The following ZXDC variants were observed in gnomAD, a reference collection of about 807,000 sequenced individuals.
ZXDC encodes the protein zinc finger protein ZXDC.
A neutral mutation model predicts 63.6 loss-of-function variants in ZXDC; 58 were observed. The ratio of observed to expected loss-of-function variants is 0.91; its 90% confidence interval spans 0.74 to 1.13. The LOEUF (loss-of-function observed/expected upper bound fraction) is 1.13, where lower values mean the gene tolerates loss of function less well. ZXDC is among the 50% of genes most tolerant of loss of function. The pLI is 0.00. For synonymous variants in ZXDC, 561 were observed against 496.1 expected (o/e 1.13, Z -1.74); for missense variants, 1,133 against 1,148.9 (o/e 0.99, Z 0.20).
chr3:126,456,681 CA>C (rs1934318575), intron 7 of ZXDC, among the ~76,000 whole-genome samples: 1 of 152,326 alleles, frequency 6.6e-6, no homozygotes, highest in African/African-American at 2.4e-5. Flanking sequence ...CAGTGAGCTC[CA>C]TGAGTCCTTC....
intron 7 of ZXDC, chr3:126,442,205 A>G (rs1933710733): frequency 1.1e-5 from 3 of 284,728 alleles, no homozygotes; most frequent in African/African-American, 2.2e-5. Context: ...CGGTACGGTA[A>G]TCAGACACAA....
chr3:126,442,109 G>T, intron 7 of ZXDC, 163 bp from the exon 8 acceptor site: 1 of 764,386 alleles, frequency 1.3e-6, no homozygotes, highest in Non-Finnish European at 1.8e-6. Context: ...GAGTTAAGAG[G>T]TTGAAACAAA....
At chr3:126,472,410 G>T in intron 1 of ZXDC, 105 bp from the exon 2 acceptor site, 1 of 1,378,094 alleles carries the variant, frequency 7.3e-7, no homozygotes, top group Non-Finnish European at 9.9e-7. Flanking sequence ...AAGCAGACAA[G>T]GGAAAACATG....
chr3:126,444,268 C>CA (rs1933789902), intron 7 of ZXDC, among the ~76,000 whole-genome samples: 1 of 152,210 alleles, frequency 6.6e-6, no homozygotes, highest in Non-Finnish European at 1.5e-5. Flanking sequence ...CGCAGTGGCT[C>CA]ACGCCTGTAA....
rs752014424 is a variant in ZXDC, at chr3:126,472,014, G to T, written c.1098C>A (p.Gly366=). 1.2e-6 allele frequency: 2 copies of T among 1,613,784 alleles called. No individual in the cohort carries two copies. Among genetic ancestry groups the T allele is most frequent in the Non-Finnish European group, 8.5e-7 (1 of 1,179,880 alleles). The change falls in exon 3 of 10, where the codon GGC becomes GGA. Residue 366 remains glycine, a synonymous_variant. Transcript: ENST00000389709. ...RPFICDSDSC[G]WTFTSMSKLL... ...GTTTGGACATGCTGGTGAAGGTCCA[G>T]CCACAGCTGTCAGAGTCACAAATAA...
chr3:126,467,852 GT>G (rs1934833698), intron 4 of ZXDC, among the ~76,000 whole-genome samples: 1 of 152,168 alleles, frequency 6.6e-6, no homozygotes, highest in African/African-American at 2.4e-5. Flanking sequence ...CACATCTTCT[GT>G]CAAATGCCTT....
In ZXDC at chr3:126,475,756, C is replaced by G. The variant is rs1935201008; in HGVS notation, c.110G>C (p.Arg37Pro). ...APAPLGASPA[R>P]RRLLLVRGPE... is the part of the protein sequence containing the mutation. ...GCCCCGCACCAGTAGCAGGCGGCGG[C>G]GCGCGGGGCTCGCGCCGAGCGGCGC... The change falls in exon 1 of 10, where the codon CGC (arginine) becomes CCC (proline). Residue 37 changes from arginine to proline, a missense_variant. Coordinates refer to ENST00000389709, the MANE Select transcript of ZXDC (RefSeq NM_025112.5). 3.5e-6 allele frequency: 4 copies of G among 1,157,726 alleles called. No individual in the cohort carries two copies. Among genetic ancestry groups the G allele is most frequent in the Non-Finnish European group, 4.2e-6 (4 of 942,380 alleles). The allele number at this position is 1,157,726 out of a possible 1,614,324, so 71.7% of individuals were successfully genotyped here. A position where few individuals can be genotyped will look rare whatever the true frequency, so the allele number is the denominator to read the frequency against.
At chr3:126,441,734 C>T (rs1419706213) in intron 8 of ZXDC, 31 bp downstream of exon 8, 10 of 1,550,368 alleles carry the variant, frequency 6.5e-6, no homozygotes, top group Non-Finnish European at 8.7e-6. Context: ...ACCCCGCCTA[C>T]AGCTGGCCTG....
intron 8 of ZXDC, chr3:126,441,236 G>A (rs1933662882): frequency 1.0e-6 from 1 of 985,950 alleles, no homozygotes; most frequent in East Asian, 1.1e-4. Flanking sequence ...GAGGGGCCTG[G>A]GCCTGCCCTG....
At position 126,447,148 on chromosome 3, in the gene ZXDC, A is replaced by G. The variant is rs527701815; in HGVS notation, c.2213-5202T>C. Among the ~76,000 whole-genome samples the G allele has an allele frequency of 1.8e-4, 28 of 152,310 alleles. No individual in the cohort carries two copies. In the East Asian group the frequency reaches 3.9e-3, roughly 21 times the overall value. On this transcript the variant is annotated intron_variant, in intron 7 of 9. Coordinates refer to ENST00000389709, the MANE Select transcript of ZXDC (RefSeq NM_025112.5). ...CCTTCATGGGTATTCTCACCAAGCT[A>G]CCTTCCCAGATGAACTTAAAGTAGA...
chr3:126,468,537 C>T (rs1934863129), intron 4 of ZXDC, among the ~76,000 whole-genome samples: 1 of 152,144 alleles, frequency 6.6e-6, no homozygotes, highest in South Asian at 2.1e-4. Flanking sequence ...CCCAGTTTCT[C>T]TCCCAGCACA....
chr3:126,463,062 A>AATT (rs1005278069), intron 5 of ZXDC, among the ~76,000 whole-genome samples: 18 of 99,262 alleles, frequency 1.8e-4, no homozygotes, highest in African/African-American at 5.3e-4. Context: ...TGCAGCATGT[A>AATT]ATTATTATTA....
Position 126,459,728 on chromosome 3 carries a change from C to T in ZXDC, c.2137G>A (p.Gly713Ser). ...GCTCGGTAATCAGTTCTTGCTGAGCCCCCACTTTCCTGAGACCAAAGAAAA... is the reference window on the plus strand; with the variant it reads ...GCTCGGTAATCAGTTCTTGCTGAGCTCCCACTTTCCTGAGACCAAAGAAAA... ...GTGNFYLESGGSARTDYRAIQ... is the reference protein window; with the variant it reads ...GTGNFYLESGSSARTDYRAIQ... Residue 713 changes from glycine to serine, a missense_variant, in exon 7 of 10, where the codon GGC becomes AGC. Physicochemically the swap from Gly to Ser is moderately conservative, Grantham distance 56. Transcript: ENST00000389709. The T allele has an allele frequency of 6.2e-7, 1 of 1,614,138 alleles. No homozygotes were observed. The highest frequency in any genetic ancestry group is 2.2e-5 in the East Asian group (1 of 44,874).
At chr3:126,455,848 A>G (rs1934285354) in intron 7 of ZXDC, among the ~76,000 whole-genome samples, 1 of 151,994 alleles carries the variant, frequency 6.6e-6, no homozygotes, top group South Asian at 2.1e-4. Flanking sequence ...AATACAAAAA[A>G]AAAAAATTAG....
At chr3:126,458,069 T>C (rs1934379713) in intron 7 of ZXDC, among the ~76,000 whole-genome samples, 1 of 152,202 alleles carries the variant, frequency 6.6e-6, no homozygotes, top group Non-Finnish European at 1.5e-5. Context: ...AGTAGTGACA[T>C]ATGAACCCCA....
In ZXDC at chr3:126,451,057, C is replaced by T. The variant is rs936619376; in HGVS notation, c.2212+8596G>A. On this transcript the variant is annotated intron_variant, in intron 7 of 9. Transcript: ENST00000389709. ...AAAGGGACTCAAGGCCACTCCTCAT[C>T]ACCACCTGAGTCCCTCAGGCCCACC... is the stretch of plus-strand genomic sequence containing the variant. 5 of 855,652 alleles carry T rather than the reference C, an allele frequency of 5.8e-6. No individual in the cohort carries two copies. In the African/African-American group the frequency reaches 9.2e-5, roughly 16 times the overall value. 53.0% of individuals were successfully genotyped at this position (855,652 alleles called of 1,614,324 possible). A position where few individuals can be genotyped will look rare whatever the true frequency, so the allele number is the denominator to read the frequency against.
At chr3:126,474,254 C>T (rs1343883589) in intron 1 of ZXDC, among the ~76,000 whole-genome samples, 7 of 151,936 alleles carry the variant, frequency 4.6e-5, no homozygotes, top group Admixed American at 6.6e-5. Context: ...TTAATAGAGA[C>T]GGGGTTTCAC....
At chr3:126,472,819 A>T (rs1396222870) in intron 1 of ZXDC, among the ~76,000 whole-genome samples, 2 of 152,012 alleles carry the variant, frequency 1.3e-5, no homozygotes, top group African/African-American at 4.8e-5. Context: ...TGCTGTTTGG[A>T]TTCTTTTTCC....
At chr3:126,454,043 G>C in intron 7 of ZXDC, 1 of 752,898 alleles carries the variant, frequency 1.3e-6, no homozygotes. Context: ...TATATAGGTA[G>C]TACTACACAT....
Sources: gnomAD v4.1 joint callset for allele counts (sites outside exome capture counted in the v4.1 genomes callset) on GRCh38, gnomAD v4.1.1 for gene constraint, MANE v1.5 for transcripts, NCBI Gene and HGNC (gene_info 2026-07-23, HGNC 2026-07-21) for gene names.